NAMPT: variants seen among roughly 807,000 people sequenced by gnomAD.
NAMPT encodes the protein nicotinamide phosphoribosyltransferase, also known as NAmPRTase.
NAMPT carries 7 observed loss-of-function variants against 58.7 expected under a neutral mutation model. The ratio of observed to expected loss-of-function variants is 0.12; its 90% CI spans 0.07 to 0.22. The LOEUF is 0.22. Ranked by LOEUF, NAMPT falls within the 10% of genes least tolerant of loss-of-function variation. The pLI, the probability that NAMPT is intolerant of heterozygous loss-of-function variation, is 1.00. For missense variants in NAMPT, 271 were observed against 567.9 expected, an observed-to-expected ratio of 0.48 and a Z score of 5.31; for synonymous variants, 145 against 198.1, an observed-to-expected ratio of 0.73 and a Z score of 2.25.
upstream of NAMPT, chr7:106,285,437 A>T: frequency 1.5e-6 from 1 of 670,794 alleles, no homozygotes; most frequent in Non-Finnish European, 1.8e-6. Flanking sequence ...CGTCCTACCC[A>T]GTCCTGGCCG....
rs931246367 is a variant in NAMPT, at chr7:106,253,332, T to C, written c.1231-181A>G. On this transcript the variant is annotated intron_variant, in intron 9 of 10. Transcript: ENST00000222553. ...TAACACTTTAGCCTGTTTTGAAGGATAGTCGTTTGTAATAAAGAAAAAGTA... is the reference window on the plus strand; with the variant it reads ...TAACACTTTAGCCTGTTTTGAAGGACAGTCGTTTGTAATAAAGAAAAAGTA... 2.9e-5 allele frequency: 17 copies of C among 595,262 alleles called. No homozygotes were observed. In the Admixed American group the frequency reaches 3.0e-4, roughly 10 times the overall value. 36.9% of individuals were successfully genotyped at this position (595,262 alleles called of 1,614,324 possible). A position where few individuals can be genotyped will look rare whatever the true frequency, so the allele number is the denominator to read the frequency against.
chr7:106,263,192 C>T (rs931617635), intron 7 of NAMPT, 200 bp downstream of exon 7: 33 of 529,918 alleles, frequency 6.2e-5, no homozygotes, highest in African/African-American at 2.5e-4. Flanking sequence ...GACAGTAAAA[C>T]AATCCATAAG....
chr7:106,267,840 C>CAAAAAAAAAAAAAAAA lies in NAMPT; in HGVS notation c.743+608_743+623dup. Among the ~76,000 whole-genome samples, 92 of 33,166 alleles carry CAAAAAAAAAAAAAAAA rather than the reference C, an allele frequency of 2.8e-3. 20 individuals are homozygous for CAAAAAAAAAAAAAAAA. The highest frequency in any genetic ancestry group is 0.013 in the East Asian group (11 of 856). The allele number at this position is 33,166 out of a possible 152,430, so 21.8% of individuals were successfully genotyped here. ...TGGGCGACAGAGCGAGACTCCGTCT[C>CAAAAAAAAAAAAAAAA]AAAAAAAAAAAAAAAAAAAAAAAAA... On this transcript the variant is annotated intron_variant, in intron 6 of 10. Coordinates refer to ENST00000222553, the MANE Select transcript of NAMPT (RefSeq NM_005746.3).
upstream of NAMPT, chr7:106,285,325 C>G (rs1399168263): frequency 3.9e-6 from 2 of 507,874 alleles, no homozygotes; most frequent in East Asian, 1.3e-4. Context: ...TACCTAAGTT[C>G]GAGTTCCCGG....
chr7:106,256,911 C>T (rs1171879401), intron 8 of NAMPT, among the ~76,000 whole-genome samples: 2 of 152,172 alleles, frequency 1.3e-5, no homozygotes, highest in Non-Finnish European at 2.9e-5. Context: ...CGCAATGGCT[C>T]ACGCCTGTAA....
At chr7:106,274,795 CAGTGAGCCGAGATTGT>C (rs1792602195) in intron 3 of NAMPT, 135 bp downstream of exon 3, 2 of 552,232 alleles carry the variant, frequency 3.6e-6, no homozygotes, top group East Asian at 6.5e-5. Flanking sequence ...GCAGAGGTTG[CAGTGAGCCGAGATTGT>C]GCCACTGCAC....
rs1374679056 is a variant in NAMPT at position 106,249,381 on chromosome 7, C to T, written c.*1702G>A. The T allele has an allele frequency of 6.6e-6, 1 of 152,472 alleles. No individual in the cohort carries two copies. The highest frequency in any genetic ancestry group is 1.5e-5 in the Non-Finnish European group (1 of 67,956). 9.4% of individuals were successfully genotyped at this position (152,472 alleles called of 1,614,324 possible). On this transcript the variant is annotated 3_prime_UTR_variant, in exon 11 of 11. Coordinates refer to ENST00000222553, the MANE Select transcript of NAMPT (RefSeq NM_005746.3). Reference sequence around the variant, plus strand: ...CATTTTCTCATGTAACTATTTAAAACAGATGATTTATGGCTTTTCAATTTT... The same window carrying T: ...CATTTTCTCATGTAACTATTTAAAATAGATGATTTATGGCTTTTCAATTTT...
intron 3 of NAMPT, among the ~76,000 whole-genome samples, chr7:106,273,961 T>A (rs1345442863): frequency 6.6e-6 from 1 of 151,828 alleles, no homozygotes. Flanking sequence ...GACTTAAAAG[T>A]AACACTCAAC....
chr7:106,251,373 C>T (rs1447897558), intron 10 of NAMPT, among the ~76,000 whole-genome samples, 180 bp from the exon 11 acceptor site: 1 of 152,094 alleles, frequency 6.6e-6, no homozygotes, highest in Non-Finnish European at 1.5e-5. Flanking sequence ...AATGGCCAAT[C>T]ACTGAGTTGC....
intron 8 of NAMPT, among the ~76,000 whole-genome samples, chr7:106,261,078 C>T (rs1430245620): frequency 6.6e-6 from 1 of 152,172 alleles, no homozygotes; most frequent in East Asian, 1.9e-4. Context: ...TAAAAAAATG[C>T]AATGTTTGCA....
At chr7:106,252,946 A>T in intron 10 of NAMPT, 71 bp downstream of exon 10, 1 of 1,522,968 alleles carries the variant, frequency 6.6e-7, no homozygotes, top group South Asian at 1.2e-5. Context: ...TAACATAAAA[A>T]CCTCCTTTCT....
intron 1 of NAMPT, among the ~76,000 whole-genome samples, chr7:106,282,120 A>T (rs949992971): frequency 6.6e-6 from 1 of 152,192 alleles, no homozygotes; most frequent in Non-Finnish European, 1.5e-5. Flanking sequence ...AGGTTGACTC[A>T]GGAGCCACCG....
At chr7:106,281,137 A>AT (rs1792756168) in intron 1 of NAMPT, among the ~76,000 whole-genome samples, 1 of 151,486 alleles carries the variant, frequency 6.6e-6, no homozygotes, top group South Asian at 2.1e-4. Context: ...AGCTGTTTCC[A>AT]TTAAGGAGTG....
At chr7:106,278,672 C>T (rs1586027475) in intron 1 of NAMPT, among the ~76,000 whole-genome samples, 1 of 152,218 alleles carries the variant, frequency 6.6e-6, no homozygotes, top group Non-Finnish European at 1.5e-5. Flanking sequence ...AATATGACCA[C>T]TACCTCAACT....
rs1272451555 is a variant in NAMPT at position 106,284,922 on chromosome 7, C to T, written c.-38G>A. On this transcript the variant is annotated 5_prime_UTR_variant, in exon 1 of 11. Transcript: ENST00000222553. ...GACAGGGGCCGCGCGCCGCGAGCTC[C>T]CTGGCGCGGCTGCGAGGAAGGAGAA... The T allele has an allele frequency of 2.6e-6, 4 of 1,567,178 alleles. No homozygotes were observed. Among genetic ancestry groups the T allele is most frequent in the South Asian group, 2.3e-5 (2 of 85,570 alleles).
upstream of NAMPT, chr7:106,284,984 G>T (rs934991738): frequency 4.0e-5 from 60 of 1,484,440 alleles, no homozygotes; most frequent in Admixed American, 2.5e-4. Flanking sequence ...TTAAGTCACT[G>T]CTCGGTCGGC....
chr7:106,273,999 C>T (rs1262338236), intron 3 of NAMPT, among the ~76,000 whole-genome samples: 1 of 151,522 alleles, frequency 6.6e-6, no homozygotes, highest in Admixed American at 6.6e-5. Flanking sequence ...GATTCCATTC[C>T]CAACTGATCA....
chr7:106,257,834 A>G (rs1672702486), intron 8 of NAMPT, among the ~76,000 whole-genome samples: 1 of 152,168 alleles, frequency 6.6e-6, no homozygotes, highest in Admixed American at 6.5e-5. Context: ...CAGGCAGGCT[A>G]ATGGGATTTC....
chr7:106,276,859 C>G (rs937805776), intron 2 of NAMPT, 164 bp downstream of exon 2: 22 of 541,972 alleles, frequency 4.1e-5, no homozygotes, highest in Middle Eastern at 5.3e-4. Flanking sequence ...AAAAAAAAAA[C>G]CTTTTATTTC....
Sources: gnomAD v4.1 joint callset for allele counts (sites outside exome capture counted in the v4.1 genomes callset) on GRCh38, gnomAD v4.1.1 for gene constraint, MANE v1.5 for transcripts, NCBI Gene and HGNC (gene_info 2026-07-23, HGNC 2026-07-21) for gene names.